Variants in WDR70 observed in about 807,000 individuals in gnomAD.
WDR70 encodes WD repeat domain 70.
WDR70 carries 53 observed loss-of-function variants against 88.6 expected under a neutral mutation model. The ratio of observed to expected loss-of-function variants is 0.60; its 90% CI spans 0.48 to 0.75. The LOEUF (loss-of-function observed/expected upper bound fraction) is 0.75. WDR70 is among the 30% of genes least tolerant of loss of function. WDR70 has a pLI of 0.00. For synonymous variants in WDR70, 280 were observed against 270.0 expected (o/e 1.04, Z -0.36); for missense variants, 610 against 823.2 (o/e 0.74, Z 3.17).
At position 37,442,105 on chromosome 5, in the gene WDR70, T is replaced by G. The variant is rs148067781; in HGVS notation, c.553-1134T>G. On this transcript the variant is annotated intron_variant, in intron 6 of 17. Transcript: ENST00000265107. ...CCAGTTGGAGTGCAGAGCCGCAATC[T>G]CAGCTCATTGCAACCTCTGCCTCCC... Among the ~76,000 whole-genome samples, 365 of 149,220 alleles carry G rather than the reference T, an allele frequency of 2.4e-3. 8 individuals are homozygous for G. In the East Asian group the frequency reaches 0.064, roughly 26 times the overall value.
intron 6 of WDR70, among the ~76,000 whole-genome samples, chr5:37,438,416 T>G (rs1316283907): frequency 1.3e-5 from 2 of 152,120 alleles, no homozygotes; most frequent in Non-Finnish European, 2.9e-5. Flanking sequence ...AAGTATTTAT[T>G]AATACTTAGT....
At chr5:37,393,338 C>A (rs556090224) in intron 4 of WDR70, among the ~76,000 whole-genome samples, 1 of 152,162 alleles carries the variant, frequency 6.6e-6, no homozygotes. Context: ...CCGCGCCCAG[C>A]GTTATTATTC....
At chr5:37,518,607 G>T (rs1179922699) in intron 9 of WDR70, among the ~76,000 whole-genome samples, 1 of 150,482 alleles carries the variant, frequency 6.6e-6, no homozygotes, top group African/African-American at 2.4e-5. Context: ...TTTATCTGTT[G>T]ATGGATGCTT....
At chr5:37,681,584 T>C (rs1746438505) in intron 10 of WDR70, among the ~76,000 whole-genome samples, 4 of 152,224 alleles carry the variant, frequency 2.6e-5, no homozygotes, top group Non-Finnish European at 5.9e-5. Context: ...ATGGCTCTTA[T>C]TATTTTGAGG....
intron 9 of WDR70, among the ~76,000 whole-genome samples, chr5:37,588,404 T>A (rs1282206309): frequency 2.6e-5 from 4 of 152,100 alleles, no homozygotes; most frequent in Admixed American, 2.6e-4. Flanking sequence ...GTGAACTTCA[T>A]GATAGGCTAA....
At chr5:37,439,548 A>G (rs895399647) in intron 6 of WDR70, among the ~76,000 whole-genome samples, 7 of 151,914 alleles carry the variant, frequency 4.6e-5, no homozygotes, top group Non-Finnish European at 8.8e-5. Context: ...ATAGAGAAAC[A>G]TAACTTAAAA....
At chr5:37,573,207 T>G (rs1484175955) in intron 9 of WDR70, among the ~76,000 whole-genome samples, 2 of 152,152 alleles carry the variant, frequency 1.3e-5, no homozygotes, top group Admixed American at 1.3e-4. Flanking sequence ...AAGTTCAGGT[T>G]TCCCGTCTTG....
chr5:37,437,999 GTTT>G lies in WDR70; in HGVS notation c.552+22_552+24del. 6.3e-7 allele frequency: 1 copy of G among 1,599,712 alleles called. No homozygotes were observed. Among genetic ancestry groups the G allele is most frequent in the Non-Finnish European group, 8.5e-7 (1 of 1,172,888 alleles). ...CTAAAACAGTAAGTTTAAAAATCTA[GTTT>G]TTTCCTCTCTCAAATTACAGGGCTG... On this transcript the variant is annotated intron_variant, in intron 6 of 17. Coordinates refer to ENST00000265107, the MANE Select transcript of WDR70 (RefSeq NM_018034.4).
chr5:37,506,726 A>G, intron 8 of WDR70: 2 of 894,630 alleles, frequency 2.2e-6, no homozygotes, highest in Non-Finnish European at 1.9e-6. Context: ...CACCTTTCTC[A>G]TTATACACAC....
intron 9 of WDR70, among the ~76,000 whole-genome samples, chr5:37,544,532 A>C (rs1466050108): frequency 6.6e-6 from 1 of 152,224 alleles, no homozygotes; most frequent in African/African-American, 2.4e-5. Context: ...GAATTATAAA[A>C]TTAAAGTTTT....
chr5:37,631,862 A>T (rs2112525531), intron 10 of WDR70, among the ~76,000 whole-genome samples: 1 of 152,290 alleles, frequency 6.6e-6, no homozygotes, highest in South Asian at 2.1e-4. Flanking sequence ...CATATAGAAA[A>T]ATCCTACTAC....
intron 8 of WDR70, chr5:37,505,968 T>C (rs1041230184): frequency 1.1e-5 from 18 of 1,582,944 alleles, no homozygotes; most frequent in Non-Finnish European, 1.6e-5. Flanking sequence ...ACCAGAAAGA[T>C]CCTCAAAATT....
At chr5:37,526,770 G>A (rs549387628) in intron 9 of WDR70, among the ~76,000 whole-genome samples, 105 of 152,270 alleles carry the variant, frequency 6.9e-4, no homozygotes, top group African/African-American at 2.5e-3. Flanking sequence ...AAGCTGATAA[G>A]CAACTTCAGC....
At chr5:37,546,222 A>G (rs1382254513) in intron 9 of WDR70, among the ~76,000 whole-genome samples, 1 of 148,430 alleles carries the variant, frequency 6.7e-6, no homozygotes, top group Non-Finnish European at 1.5e-5. Flanking sequence ...CGTTTAATAT[A>G]TAAAACTTGA....
chr5:37,531,353 A>G (rs959526979), intron 9 of WDR70, among the ~76,000 whole-genome samples: 8 of 152,094 alleles, frequency 5.3e-5, no homozygotes, highest in Non-Finnish European at 1.5e-5. Flanking sequence ...TTCTGCCTTG[A>G]TGACTAGTGT....
intron 17 of WDR70, among the ~76,000 whole-genome samples, chr5:37,743,061 A>G (rs1748531322): frequency 6.6e-6 from 1 of 152,244 alleles, no homozygotes; most frequent in African/African-American, 2.4e-5. Context: ...CCCATTGGAA[A>G]AAAACATAAT....
intron 5 of WDR70, among the ~76,000 whole-genome samples, chr5:37,433,240 T>C (rs903264375): frequency 5.9e-5 from 9 of 152,084 alleles, no homozygotes; most frequent in African/African-American, 2.2e-4. Context: ...TTTGTATTTT[T>C]AGTAGAGATG....
At chr5:37,650,010 T>G (rs1745354232) in intron 10 of WDR70, among the ~76,000 whole-genome samples, 1 of 53,246 alleles carries the variant, frequency 1.9e-5, no homozygotes, top group Non-Finnish European at 6.9e-5. Context: ...GTGCTGGGAT[T>G]ACAGGCGTGA....
intron 7 of WDR70, among the ~76,000 whole-genome samples, chr5:37,475,200 G>T (rs1581315519): frequency 3.3e-5 from 1 of 30,656 alleles, no homozygotes; most frequent in Admixed American, 7.2e-4. Context: ...GATTATAGGT[G>T]TGAGCCACGG....
Sources: allele counts gnomAD v4.1 joint callset (sites outside exome capture counted in the v4.1 genomes callset), GRCh38; gene constraint gnomAD v4.1.1; transcripts MANE v1.5; gene names NCBI Gene and HGNC (gene_info 2026-07-23, HGNC 2026-07-21).